The following VTI1A variants were observed in gnomAD, a reference collection of about 807,000 sequenced individuals.
VTI1A encodes the protein vesicle transport through interaction with t-SNAREs 1A.
A neutral mutation model predicts 34.9 loss-of-function variants in VTI1A; 22 were observed. The observed-to-expected ratio is 0.63, with a 90% CI of 0.45 to 0.90. The LOEUF (loss-of-function observed/expected upper bound fraction) is 0.90. VTI1A is among the 40% of genes least tolerant of loss of function. The probability of loss-of-function intolerance (pLI) is 0.00; values close to 1 mark genes in which losing one functional copy is unlikely to be tolerated. For synonymous variants in VTI1A, 87 were observed against 97.3 expected, an observed-to-expected ratio of 0.89 and a Z score of 0.62; for missense variants, 268 against 275.6, an observed-to-expected ratio of 0.97 and a Z score of 0.20.
At chr10:112,809,498 A>G (rs1309356680) in intron 7 of VTI1A, among the ~76,000 whole-genome samples, 1 of 152,208 alleles carries the variant, frequency 6.6e-6, no homozygotes, top group Non-Finnish European at 1.5e-5. Context: ...TCGGCCAGGC[A>G]GGAAGGCAGG....
chr10:112,774,611 CT>C (rs111419455), intron 7 of VTI1A, among the ~76,000 whole-genome samples: 46 of 147,798 alleles, frequency 3.1e-4, no homozygotes, highest in African/African-American at 8.9e-4. Flanking sequence ...TAAGTTCCAC[CT>C]TTTTTTTTTA....
At chr10:112,823,488 G>GCATTTCCTC (rs1295307762), downstream of VTI1A, 2 of 152,204 alleles carry the variant, frequency 1.3e-5, no homozygotes, top group Non-Finnish European at 2.9e-5. Context: ...AGGAAATGGA[G>GCATTTCCTC]CAGCAGACAT....
chr10:112,449,813 C>G (rs887248527), intron 1 of VTI1A: 1 of 152,102 alleles, frequency 6.6e-6, no homozygotes, highest in African/African-American at 2.4e-5. Flanking sequence ...ATATAAGGCC[C>G]AAACACAGGA....
At chr10:112,738,517 A>G (rs1850579644) in intron 7 of VTI1A, among the ~76,000 whole-genome samples, 1 of 152,172 alleles carries the variant, frequency 6.6e-6, no homozygotes, top group Admixed American at 6.5e-5. Flanking sequence ...CGGCTGATGA[A>G]TTGGAAAATA....
chr10:112,640,364 GA>G (rs1279338242), intron 5 of VTI1A, among the ~76,000 whole-genome samples: 4 of 152,066 alleles, frequency 2.6e-5, no homozygotes, highest in Non-Finnish European at 4.4e-5. Context: ...CAATTTATCA[GA>G]AACAATCGCA....
At chr10:112,494,657 T>C (rs1347047854) in intron 3 of VTI1A, among the ~76,000 whole-genome samples, 2 of 152,122 alleles carry the variant, frequency 1.3e-5, no homozygotes, top group African/African-American at 2.4e-5. Context: ...TACAGGTGCA[T>C]GCCACAACAC....
intron 7 of VTI1A, among the ~76,000 whole-genome samples, chr10:112,699,493 A>T (rs1253356912): frequency 6.6e-6 from 1 of 152,254 alleles, no homozygotes; most frequent in East Asian, 1.9e-4. Flanking sequence ...ACTATGGTTT[A>T]TAGTTTATAA....
At chr10:112,533,445 T>C (rs1470588258) in intron 4 of VTI1A, 1 of 863,446 alleles carries the variant, frequency 1.2e-6, no homozygotes, top group Non-Finnish European at 1.4e-6. Flanking sequence ...TTGTCAATGT[T>C]AATTCTGTAT....
chr10:112,803,585 C>T (rs1590199370), intron 7 of VTI1A, among the ~76,000 whole-genome samples: 1 of 152,204 alleles, frequency 6.6e-6, no homozygotes, highest in South Asian at 2.1e-4. Flanking sequence ...CCTCTCACAG[C>T]CTCAGTGTCC....
intron 7 of VTI1A, among the ~76,000 whole-genome samples, chr10:112,696,515 A>C (rs1848796484): frequency 6.6e-6 from 1 of 152,216 alleles, no homozygotes; most frequent in Non-Finnish European, 1.5e-5. Flanking sequence ...ACAAAGTAAA[A>C]TGTCTTAATA....
At chr10:112,676,913 A>G (rs1848053052) in intron 7 of VTI1A, among the ~76,000 whole-genome samples, 1 of 152,184 alleles carries the variant, frequency 6.6e-6, no homozygotes, top group African/African-American at 2.4e-5. Context: ...ATCTCAGATC[A>G]CTTATGGATG....
intron 3 of VTI1A, among the ~76,000 whole-genome samples, chr10:112,483,278 A>G (rs959317129): frequency 3.9e-5 from 6 of 152,228 alleles, no homozygotes; most frequent in Non-Finnish European, 8.8e-5. Flanking sequence ...CCAATTAAAA[A>G]AAAAATCCAT....
At chr10:112,710,417 G>T (rs1564894212) in intron 7 of VTI1A, among the ~76,000 whole-genome samples, 1 of 152,036 alleles carries the variant, frequency 6.6e-6, no homozygotes, top group African/African-American at 2.4e-5. Flanking sequence ...ATGTTGGTCA[G>T]GCTGGTCTCA....
intron 5 of VTI1A, among the ~76,000 whole-genome samples, chr10:112,611,726 T>G (rs952580189): frequency 6.7e-6 from 1 of 148,956 alleles, no homozygotes; most frequent in African/African-American, 2.5e-5. Flanking sequence ...GCCCATTTGG[T>G]GAGAAAGGTA....
At chr10:112,737,917 A>G (rs1489065140) in intron 7 of VTI1A, 1 of 1,062,512 alleles carries the variant, frequency 9.4e-7, no homozygotes, top group African/African-American at 1.6e-5. Context: ...AGAGCTGAGG[A>G]TGGAGGTATG....
chr10:112,788,491 T>G lies in VTI1A; in HGVS notation c.561-26799T>G, dbSNP rs190057207. Among the ~76,000 whole-genome samples the G allele has an allele frequency of 3.5e-4, 54 of 152,310 alleles. No individual in the cohort carries two copies. The East Asian group carries it at 8.5e-3, about 24-fold the overall frequency. On this transcript the variant is annotated intron_variant, in intron 7 of 7. Coordinates refer to ENST00000393077, the MANE Select transcript of VTI1A (RefSeq NM_145206.4). ...CCTTATAGTTACTGTTTGCATATAT[T>G]TTTTCACCTTTTAACTTTCACCCTC...
intron 2 of VTI1A, among the ~76,000 whole-genome samples, chr10:112,463,318 T>C (rs1369716248): frequency 6.6e-6 from 1 of 152,228 alleles, no homozygotes; most frequent in Non-Finnish European, 1.5e-5. Context: ...CAATCATCGT[T>C]ACTAGAGTTA....
chr10:112,555,763 T>TA (rs913135690), intron 5 of VTI1A, among the ~76,000 whole-genome samples: 44 of 152,122 alleles, frequency 2.9e-4, no homozygotes, highest in African/African-American at 9.9e-4. Context: ...TTCAGCCTTT[T>TA]AAAAAAATGT....
chr10:112,517,467 C>T (rs556292383), intron 3 of VTI1A, among the ~76,000 whole-genome samples: 19 of 152,134 alleles, frequency 1.2e-4, no homozygotes, highest in African/African-American at 3.1e-4. Context: ...GTAGATACTC[C>T]GCCCTCAAGG....
Sources: allele counts gnomAD v4.1 joint callset (sites outside exome capture counted in the v4.1 genomes callset), GRCh38; gene constraint gnomAD v4.1.1; transcripts MANE v1.5; gene names NCBI Gene and HGNC (gene_info 2026-07-23, HGNC 2026-07-21).